DACH2: variants seen among roughly 807,000 people sequenced by gnomAD.
The protein encoded by DACH2 is dachshund family transcription factor 2.
In DACH2, 17 loss-of-function variants were observed where a neutral mutation model predicts 35.8. The observed-to-expected ratio is 0.48, with a 90% CI of 0.33 to 0.71. The LOEUF is 0.71. Among genes scored for constraint, DACH2 ranks in the 30% least tolerant of loss-of-function variants. DACH2 has a pLI of 0.02. For synonymous variants in DACH2, 195 were observed against 177.3 expected, an observed-to-expected ratio of 1.10 and a Z score of -0.79; for missense variants, 469 against 472.7, an observed-to-expected ratio of 0.99 and a Z score of 0.07.
At chrX:86,397,367 T>C (rs1008817708) in intron 2 of DACH2, among the ~76,000 whole-genome samples, 2 of 111,548 alleles carry the variant, frequency 1.8e-5, no homozygotes, top group Non-Finnish European at 3.8e-5. Flanking sequence ...CTTTTCCTAA[T>C]TGAATGCCCT....
chrX:86,676,181 G>A (rs777992049), intron 4 of DACH2, among the ~76,000 whole-genome samples: 4 of 111,818 alleles, frequency 3.6e-5, no homozygotes, highest in African/African-American at 1.3e-4. Flanking sequence ...ACATACCTTG[G>A]CTATGTAAGG....
At chrX:86,586,330 T>C (rs1325173387) in intron 3 of DACH2, among the ~76,000 whole-genome samples, 1 of 111,742 alleles carries the variant, frequency 8.9e-6, no homozygotes, top group Non-Finnish European at 1.9e-5. Flanking sequence ...GTTGGATGCA[T>C]AGTTTGCAAA....
intron 2 of DACH2, among the ~76,000 whole-genome samples, chrX:86,468,100 G>T (rs1045708622): frequency 1.8e-5 from 2 of 111,595 alleles, no homozygotes; most frequent in Non-Finnish European, 3.8e-5. Flanking sequence ...GAAAATGAAT[G>T]ATTCAAAAGA....
chrX:86,221,467 G>T (rs2032709572), intron 1 of DACH2, among the ~76,000 whole-genome samples: 1 of 111,676 alleles, frequency 9.0e-6, no homozygotes, highest in Non-Finnish European at 1.9e-5. Flanking sequence ...TCATAGCTTT[G>T]TAATACATTT....
intron 7 of DACH2, among the ~76,000 whole-genome samples, chrX:86,771,903 G>C (rs147453324): frequency 5.4e-5 from 6 of 111,507 alleles, no homozygotes; most frequent in Non-Finnish European, 7.5e-5. Flanking sequence ...CATCATTCCA[G>C]TGTCTGTTCT....
chrX:86,171,167 C>G (rs1214901238), intron 1 of DACH2, among the ~76,000 whole-genome samples: 1 of 110,942 alleles, frequency 9.0e-6, no homozygotes, highest in Non-Finnish European at 1.9e-5. Flanking sequence ...GTGAATGGTT[C>G]CCTATCCTGC....
At chrX:86,226,397 C>T (rs755402857) in intron 1 of DACH2, among the ~76,000 whole-genome samples, 2 of 105,602 alleles carry the variant, frequency 1.9e-5, no homozygotes, top group South Asian at 3.8e-4. Flanking sequence ...TGTTGTTACA[C>T]AGCTGAAAAA....
At chrX:86,691,361 G>T (rs1034809611) in intron 4 of DACH2, among the ~76,000 whole-genome samples, 3 of 111,481 alleles carry the variant, frequency 2.7e-5, no homozygotes, top group African/African-American at 9.8e-5. Context: ...TAACTCTATT[G>T]CTTGTAACTC....
intron 2 of DACH2, among the ~76,000 whole-genome samples, chrX:86,442,516 G>A (rs2037185887): frequency 9.2e-6 from 1 of 108,248 alleles, no homozygotes. Flanking sequence ...TCATTGTGGT[G>A]ATTGTTTCTT....
chrX:86,545,555 A>T (rs2038945680), intron 3 of DACH2, among the ~76,000 whole-genome samples: 1 of 112,047 alleles, frequency 8.9e-6, no homozygotes, highest in Non-Finnish European at 1.9e-5. Context: ...AGAGTTAAAA[A>T]ATTAAAATTA....
intron 1 of DACH2, among the ~76,000 whole-genome samples, chrX:86,365,907 G>A (rs1029694806): frequency 1.3e-4 from 14 of 111,252 alleles, no homozygotes; most frequent in Non-Finnish European, 5.7e-5. Flanking sequence ...AGAGAGGTAG[G>A]AGTCATAATT....
At chrX:86,444,869 G>C (rs1031463533) in intron 2 of DACH2, among the ~76,000 whole-genome samples, 1 of 111,124 alleles carries the variant, frequency 9.0e-6, no homozygotes. Context: ...CACTGGTTTA[G>C]TATCTGCAAA....
chrX:86,666,331 G>GAAAA (rs1406136583), intron 4 of DACH2, among the ~76,000 whole-genome samples: 4 of 110,682 alleles, frequency 3.6e-5, no homozygotes, highest in African/African-American at 1.3e-4. Context: ...GAGAGAGAGA[G>GAAAA]AATAAGCACA....
intron 3 of DACH2, among the ~76,000 whole-genome samples, chrX:86,563,150 G>T (rs1277257571): frequency 9.3e-6 from 1 of 107,430 alleles, no homozygotes; most frequent in Non-Finnish European, 1.9e-5. Flanking sequence ...TCCTGAAATA[G>T]ACAACACTTT....
intron 3 of DACH2, among the ~76,000 whole-genome samples, chrX:86,582,545 T>C (rs1989659): frequency 0.41 from 44,838 of 109,301 alleles, 8,558 homozygotes; most frequent in African/African-American, 0.74. Flanking sequence ...CAGAAATGCA[T>C]GCACACACAC....
chrX:86,510,007 G>A (rs1474889264), intron 2 of DACH2, among the ~76,000 whole-genome samples: 1 of 111,814 alleles, frequency 8.9e-6, no homozygotes, highest in East Asian at 2.8e-4. Flanking sequence ...AATTTTCACA[G>A]ACTGTCCTGG....
intron 2 of DACH2, among the ~76,000 whole-genome samples, chrX:86,511,171 A>C (rs2038391156): frequency 9.0e-6 from 1 of 111,703 alleles, no homozygotes; most frequent in East Asian, 2.8e-4. Flanking sequence ...GATCCTTCCC[A>C]ACTTTTTACA....
intron 2 of DACH2, among the ~76,000 whole-genome samples, chrX:86,409,196 C>A (rs2036571685): frequency 9.0e-6 from 1 of 110,864 alleles, no homozygotes; most frequent in African/African-American, 3.3e-5. Flanking sequence ...TTTTGCAGAC[C>A]ATCACACATC....
At chrX:86,722,042 G>T (rs1358464093) in intron 6 of DACH2, among the ~76,000 whole-genome samples, 1 of 111,997 alleles carries the variant, frequency 8.9e-6, no homozygotes, top group Non-Finnish European at 1.9e-5. Context: ...GGGACACAGA[G>T]CCAGACCTTA....
Sources: gnomAD v4.1 joint callset for allele counts (sites outside exome capture counted in the v4.1 genomes callset) on GRCh38, gnomAD v4.1.1 for gene constraint, MANE v1.5 for transcripts, NCBI Gene and HGNC (gene_info 2026-07-23, HGNC 2026-07-21) for gene names.